Variants in TANC2 observed in about 807,000 individuals in gnomAD.
The protein encoded by TANC2 is protein TANC2.
Under a neutral mutation model 210.5 loss-of-function variants are expected in TANC2, and 26 were observed. The ratio of observed to expected loss-of-function variants is 0.12; its 90% CI spans 0.09 to 0.17. The LOEUF (loss-of-function observed/expected upper bound fraction) is 0.17. TANC2 is among the 10% of genes least tolerant of loss of function. The pLI, the probability that TANC2 is intolerant of heterozygous loss-of-function variation, is 1.00. For synonymous variants in TANC2, 931 were observed against 967.1 expected, an observed-to-expected ratio of 0.96 and a Z score of 0.69; for missense variants, 2,129 against 2,608.9, an observed-to-expected ratio of 0.82 and a Z score of 4.01.
intron 7 of TANC2, among the ~76,000 whole-genome samples, chr17:63,210,864 T>C (rs535759322): frequency 6.6e-6 from 1 of 152,336 alleles, no homozygotes; most frequent in East Asian, 1.9e-4. Context: ...CTTTTTCTTT[T>C]TGAATCAGTT....
rs1361285706 is a variant in TANC2 at position 63,305,106 on chromosome 17, C to T, written c.1160-9282C>T. Among the ~76,000 whole-genome samples the T allele has an allele frequency of 8.5e-5, 13 of 152,306 alleles. No individual in the cohort carries two copies. The East Asian group carries it at 2.5e-3, about 29-fold the overall frequency. ...GCAGCCGTGGTGCTGGTCACCACCC[C>T]CGCTACCCCCAGGAGCTTGGTAGGC... On this transcript the variant is annotated intron_variant, in intron 9 of 27. Coordinates refer to ENST00000689528, the Ensembl canonical transcript of TANC2.
In TANC2 at chr17:63,206,569, A is replaced by G. The variant is rs181220280; in HGVS notation, c.769+5612A>G. 3.0e-3 allele frequency among the ~76,000 whole-genome samples: 459 copies of G among 152,342 alleles called. 1 individual carries two copies. The highest frequency in any genetic ancestry group is 0.011 in the African/African-American group (442 of 41,574). On this transcript the variant is annotated intron_variant, in intron 7 of 27. Transcript: ENST00000689528. ...TGCTACAACATGGATGAACTTTGAA[A>G]ATGTTATGCTGAGTTAAGCCAGACA...
intron 1 of TANC2, among the ~76,000 whole-genome samples, chr17:63,003,995 TACA>T (rs1369775738): frequency 2.0e-5 from 3 of 152,202 alleles, no homozygotes; most frequent in African/African-American, 7.2e-5. Flanking sequence ...ATTAACAGTG[TACA>T]ACAACTTTCA....
intron 11 of TANC2, among the ~76,000 whole-genome samples, chr17:63,320,684 A>G (rs1220958420): frequency 2.0e-5 from 3 of 152,106 alleles, no homozygotes; most frequent in Non-Finnish European, 4.4e-5. Flanking sequence ...CTCTGATACT[A>G]TTCTTATTCC....
At chr17:63,300,994 T>C (rs972755024) in intron 9 of TANC2, among the ~76,000 whole-genome samples, 4 of 152,216 alleles carry the variant, frequency 2.6e-5, no homozygotes, top group African/African-American at 9.6e-5. Flanking sequence ...TGAAGGGATA[T>C]TGAATTTTAT....
chr17:63,158,648 T>A (rs1051610783), intron 5 of TANC2, among the ~76,000 whole-genome samples: 6 of 152,216 alleles, frequency 3.9e-5, no homozygotes, highest in African/African-American at 1.4e-4. Context: ...CAGGAAGTGT[T>A]GGTTAAATTC....
At chr17:63,033,742 A>G (rs2034864457) in intron 2 of TANC2, among the ~76,000 whole-genome samples, 1 of 152,134 alleles carries the variant, frequency 6.6e-6, no homozygotes, top group South Asian at 2.1e-4. Flanking sequence ...TCATTTTATG[A>G]AATGTGAAAT....
intron 17 of TANC2, 116 bp downstream of exon 17, chr17:63,389,660 G>T (rs2147153581): frequency 9.8e-7 from 1 of 1,021,022 alleles, no homozygotes; most frequent in Non-Finnish European, 1.5e-6. Flanking sequence ...AAACCATGAT[G>T]GAGAGGAGAT....
chr17:63,057,497 G>T (rs2144489938), intron 2 of TANC2, among the ~76,000 whole-genome samples: 1 of 152,158 alleles, frequency 6.6e-6, no homozygotes, highest in East Asian at 1.9e-4. Flanking sequence ...TGTGTCATGG[G>T]GGTGTGTTTT....
intron 5 of TANC2, among the ~76,000 whole-genome samples, chr17:63,172,589 A>G (rs1336999807): frequency 6.6e-6 from 1 of 152,180 alleles, no homozygotes; most frequent in East Asian, 1.9e-4. Context: ...AAAATCACCC[A>G]TTTAAATAAT....
chr17:63,266,906 A>G (rs904122043), intron 8 of TANC2, among the ~76,000 whole-genome samples: 4 of 152,026 alleles, frequency 2.6e-5, no homozygotes, highest in African/African-American at 9.7e-5. Flanking sequence ...CTGTAGTGCA[A>G]TGGCATGATC....
At chr17:63,197,380 A>G (rs2041380147) in intron 6 of TANC2, among the ~76,000 whole-genome samples, 1 of 152,192 alleles carries the variant, frequency 6.6e-6, no homozygotes, top group Non-Finnish European at 1.5e-5. Context: ...TTGGAACCAC[A>G]CAAGAAAGTG....
At chr17:63,104,455 T>C (rs906366261) in intron 4 of TANC2, among the ~76,000 whole-genome samples, 14 of 152,206 alleles carry the variant, frequency 9.2e-5, no homozygotes, top group Admixed American at 3.3e-4. Context: ...ACAACCATTT[T>C]TATGGCAATT....
At chr17:63,071,602 T>C (rs146239014) in intron 2 of TANC2, among the ~76,000 whole-genome samples, 69 of 152,300 alleles carry the variant, frequency 4.5e-4, no homozygotes, top group Non-Finnish European at 8.4e-4. Context: ...AGAGAAGCTC[T>C]CTTTTAGTAG....
At chr17:63,402,739 C>T (rs540833735) in intron 19 of TANC2, among the ~76,000 whole-genome samples, 100 of 152,348 alleles carry the variant, frequency 6.6e-4, no homozygotes, top group African/African-American at 2.3e-3. Flanking sequence ...GAAACAAATT[C>T]TGTTACTGCT....
intron 5 of TANC2, among the ~76,000 whole-genome samples, chr17:63,173,301 C>T (rs1159984259): frequency 6.6e-6 from 1 of 152,204 alleles, no homozygotes; most frequent in Non-Finnish European, 1.5e-5. Flanking sequence ...GTCCTCTGGT[C>T]TGCAGCAACC....
At chr17:63,188,394 C>G (rs2041067189) in intron 5 of TANC2, among the ~76,000 whole-genome samples, 1 of 151,878 alleles carries the variant, frequency 6.6e-6, no homozygotes, top group South Asian at 2.1e-4. Flanking sequence ...GAGATCAAGA[C>G]CATCCTGGCC....
intron 3 of TANC2, among the ~76,000 whole-genome samples, chr17:63,081,554 G>C (rs2144719422): frequency 6.6e-6 from 1 of 152,222 alleles, no homozygotes; most frequent in South Asian, 2.1e-4. Context: ...TAACAGTATA[G>C]CATGGCCATC....
Position 63,229,638 on chromosome 17 carries a change from C to CT in TANC2, c.770-8175dup, listed in dbSNP as rs2042418481. On this transcript the variant is annotated intron_variant, in intron 7 of 27. Transcript: ENST00000689528. ...CTCAATTTCAGAACTTGTTATTGGT[C>CT]TATTCAGGGATTCAACATCTTCCTG... 2.0e-5 allele frequency among the ~76,000 whole-genome samples: 3 copies of CT among 149,854 alleles called. No homozygotes were observed. The Admixed American group carries it at 2.0e-4, about 10-fold the overall frequency.
Sources: gnomAD v4.1 joint callset for allele counts (sites outside exome capture counted in the v4.1 genomes callset) on GRCh38, gnomAD v4.1.1 for gene constraint, MANE v1.5 for transcripts, NCBI Gene and HGNC (gene_info 2026-07-23, HGNC 2026-07-21) for gene names.